The following MOBP variants were observed in gnomAD, a reference collection of about 807,000 sequenced individuals.
The protein encoded by MOBP is myelin-associated oligodendrocyte basic protein.
A neutral mutation model predicts 15.0 loss-of-function variants in MOBP; 5 were observed. The observed-to-expected ratio is 0.33, with a 90% CI of 0.17 to 0.70. The LOEUF is 0.70. Among genes scored for constraint, MOBP ranks in the 30% least tolerant of loss-of-function variants. The pLI is 0.67. For synonymous variants in MOBP, 88 were observed against 99.0 expected (o/e 0.89, Z 0.66); for missense variants, 188 against 257.8 (o/e 0.73, Z 1.85).
chr3:39,500,337 G>T (rs939287575), intron 2 of MOBP, among the ~76,000 whole-genome samples: 7 of 152,168 alleles, frequency 4.6e-5, no homozygotes, highest in Non-Finnish European at 1.0e-4. Context: ...ATGGGTGAAG[G>T]TAACTTCATT....
chr3:39,507,997 C>G (rs926506797), downstream of MOBP, among the ~76,000 whole-genome samples: 2 of 152,184 alleles, frequency 1.3e-5, no homozygotes, highest in Non-Finnish European at 2.9e-5. Flanking sequence ...GGGAAAACCC[C>G]AGCCTTTGAT....
chr3:39,467,964 T>C (rs906722737), intron 1 of MOBP, among the ~76,000 whole-genome samples: 1 of 152,174 alleles, frequency 6.6e-6, no homozygotes, highest in African/African-American at 2.4e-5. Flanking sequence ...CTGCTAATGT[T>C]TGGAAATCGT....
rs1459866491 is a variant in MOBP, at chr3:39,502,765, C to T, written c.437C>T (p.Pro146Leu). The T allele has an allele frequency of 1.1e-5, 17 of 1,535,688 alleles. No individual in the cohort carries two copies. The highest frequency in any genetic ancestry group is 8.3e-5 in the South Asian group (7 of 84,010). ...CGTCCCCGCCCAGAGGTCCGACCAC[C>T]GCCAGCCAAGCAGCGTCCCCCTCAG... ...QPRPRPEVRP[P>L]PAKQRPPQKS... is the part of the protein sequence containing the mutation. The change falls in exon 4 of 4, where the codon CCG (proline) becomes CTG (leucine). Residue 146 changes from proline (P) to leucine (L), a missense_variant. Transcript: ENST00000684792. The surrounding 1 kb of genome is among the most constrained non-coding windows in gnomAD (Gnocchi z 6.3).
chr3:39,519,071 G>T, downstream of MOBP, among the ~76,000 whole-genome samples: 1 of 152,106 alleles, frequency 6.6e-6, no homozygotes, highest in East Asian at 1.9e-4. Context: ...TGTAATTTTT[G>T]TCTTAGGAAG....
At chr3:39,479,335 T>A (rs2042591945) in intron 1 of MOBP, among the ~76,000 whole-genome samples, 1 of 152,012 alleles carries the variant, frequency 6.6e-6, no homozygotes, top group Non-Finnish European at 1.5e-5. Flanking sequence ...CCAACTAGAA[T>A]TACAGGGTTC....
intron 3 of MOBP, among the ~76,000 whole-genome samples, chr3:39,522,344 T>C (rs889304562): frequency 3.3e-5 from 5 of 152,272 alleles, no homozygotes; most frequent in Admixed American, 6.5e-5. Flanking sequence ...TTTGCTCTTA[T>C]ACTTATTTGT....
At chr3:39,479,778 A>G (rs537413711) in intron 1 of MOBP, among the ~76,000 whole-genome samples, 3 of 152,128 alleles carry the variant, frequency 2.0e-5, no homozygotes, top group South Asian at 2.1e-4. Flanking sequence ...CAGATTTTCT[A>G]TATAATGACA....
Position 39,502,370 on chromosome 3 carries a change from C to T in MOBP, c.206+95C>T. 6.4e-7 allele frequency: 1 copy of T among 1,568,300 alleles called. No homozygotes were observed. Among genetic ancestry groups the T allele is most frequent in the Non-Finnish European group, 8.6e-7 (1 of 1,158,750 alleles). ...CCCGCTCCGCACCCCACTCTTCCCC[C>T]TAGTCGGCTCCGGGTTAGGCTCCGA... On this transcript the variant is annotated intron_variant, in intron 3 of 3. Transcript: ENST00000684792. This position sits in a 1 kb window ranked among gnomAD's most constrained non-coding sequence, Gnocchi z 6.3.
At chr3:39,478,595 G>A (rs1420299101) in intron 1 of MOBP, among the ~76,000 whole-genome samples, 2 of 151,930 alleles carry the variant, frequency 1.3e-5, no homozygotes, top group African/African-American at 4.8e-5. Context: ...TCTCTCCTTG[G>A]ACTCTTTTTT....
intron 1 of MOBP, among the ~76,000 whole-genome samples, chr3:39,476,775 A>T (rs568838381): frequency 5.3e-5 from 8 of 152,118 alleles, no homozygotes; most frequent in East Asian, 1.9e-4. Context: ...TTGATTTTTT[A>T]AAAAAATTCT....
intron 1 of MOBP, among the ~76,000 whole-genome samples, chr3:39,478,431 C>G (rs996412754): frequency 2.0e-5 from 3 of 152,248 alleles, no homozygotes; most frequent in Non-Finnish European, 4.4e-5. Context: ...ACAAAATTGC[C>G]TATTGACTCA....
intron 1 of MOBP, among the ~76,000 whole-genome samples, chr3:39,471,060 C>T (rs13079368): frequency 0.38 from 58,282 of 151,846 alleles, 12,715 homozygotes; most frequent in Non-Finnish European, 0.5. Flanking sequence ...GCAGGATCAA[C>T]CCATGCATTA....
chr3:39,501,027 A>G (rs2042962806), intron 2 of MOBP, among the ~76,000 whole-genome samples: 1 of 152,212 alleles, frequency 6.6e-6, no homozygotes, highest in Admixed American at 6.5e-5. Context: ...CTCAGCTGTC[A>G]TTTCTATTTG....
At chr3:39,512,807 A>G (rs1044316589) in intron 4 of MOBP, among the ~76,000 whole-genome samples, 1 of 152,236 alleles carries the variant, frequency 6.6e-6, no homozygotes, top group Non-Finnish European at 1.5e-5. Flanking sequence ...GAGTTCTGCT[A>G]TCTAAATAAA....
At chr3:39,469,264 A>G (rs1232177473) in intron 1 of MOBP, among the ~76,000 whole-genome samples, 1 of 139,076 alleles carries the variant, frequency 7.2e-6, no homozygotes, top group East Asian at 2.0e-4. Flanking sequence ...ATGTGTGTGT[A>G]TATGTATAGA....
intron 1 of MOBP, among the ~76,000 whole-genome samples, chr3:39,470,741 C>CT (rs2042457704): frequency 6.6e-6 from 1 of 152,128 alleles, no homozygotes; most frequent in African/African-American, 2.4e-5. Context: ...TTTTCCTCCT[C>CT]TTTGTTAATT....
chr3:39,519,661 C>T (rs2043242627), downstream of MOBP, among the ~76,000 whole-genome samples: 1 of 152,118 alleles, frequency 6.6e-6, no homozygotes, highest in Admixed American at 6.5e-5. Context: ...TCTCCTCTGA[C>T]TCAAAGATCA....
intron 3 of MOBP, among the ~76,000 whole-genome samples, chr3:39,521,011 A>G (rs537220604): frequency 5.9e-5 from 9 of 151,998 alleles, no homozygotes; most frequent in Admixed American, 3.9e-4. Flanking sequence ...CAGTGGCACA[A>G]TCTCGGCTCA....
At chr3:39,529,238 C>T (rs2043365048), downstream of MOBP, 1 of 152,168 alleles carries the variant, frequency 6.6e-6, no homozygotes, top group Non-Finnish European at 1.5e-5. Context: ...AGGGACAATA[C>T]TCCACAAAAA....
Sources: gnomAD v4.1 joint callset for allele counts (sites outside exome capture counted in the v4.1 genomes callset) on GRCh38, gnomAD v4.1.1 for gene constraint, Gnocchi (gnomAD v3.1) non-coding constraint, MANE v1.5 for transcripts, NCBI Gene and HGNC (gene_info 2026-07-23, HGNC 2026-07-21) for gene names.